The following ELF5 variants were observed in gnomAD, a reference collection of about 807,000 sequenced individuals.
ELF5 encodes the protein ETS-related transcription factor Elf-5.
In ELF5, 31 loss-of-function variants were observed where a neutral mutation model predicts 38.2. The ratio of observed to expected loss-of-function variants is 0.81; its 90% CI spans 0.61 to 1.10. The LOEUF (loss-of-function observed/expected upper bound fraction) is 1.10. ELF5 is among the 50% of genes least tolerant of loss of function. The probability of loss-of-function intolerance (pLI) is 0.00; values close to 1 mark genes in which losing one functional copy is unlikely to be tolerated. For synonymous variants in ELF5, 121 were observed against 112.5 expected (o/e 1.08, Z -0.48); for missense variants, 300 against 306.6 (o/e 0.98, Z 0.16).
chr11:34,492,699 G>C (rs1850207240), intron 3 of ELF5: 1 of 152,468 alleles, frequency 6.6e-6, no homozygotes, highest in African/African-American at 2.4e-5. Context: ...CCATTGGACA[G>C]ATGAGGCAGT....
At chr11:34,502,232 C>G (rs187192471) in intron 2 of ELF5, among the ~76,000 whole-genome samples, 179 of 152,360 alleles carry the variant, frequency 1.2e-3, no homozygotes, top group African/African-American at 4.0e-3. Context: ...GTGGCAGTGC[C>G]TGCCCATGAA....
chr11:34,507,684 T>A (rs998609276), intron 1 of ELF5, among the ~76,000 whole-genome samples: 4 of 152,216 alleles, frequency 2.6e-5, no homozygotes, highest in Non-Finnish European at 5.9e-5. Flanking sequence ...TCAGAAAAAA[T>A]AATAATCTGT....
chr11:34,493,205 A>G (rs1206846345), intron 3 of ELF5: 2 of 592,668 alleles, frequency 3.4e-6, no homozygotes, highest in African/African-American at 3.7e-5. Flanking sequence ...CTGTATTATT[A>G]TCAGCCTGGT....
chr11:34,501,275 T>C (rs1447849588), intron 2 of ELF5, among the ~76,000 whole-genome samples: 1 of 152,184 alleles, frequency 6.6e-6, no homozygotes, highest in Non-Finnish European at 1.5e-5. Context: ...CTCCCTTCTC[T>C]GGTGGTCCCT....
At chr11:34,510,558 C>T (rs369279323) in intron 1 of ELF5, among the ~76,000 whole-genome samples, 2 of 152,110 alleles carry the variant, frequency 1.3e-5, no homozygotes, top group African/African-American at 2.4e-5. Context: ...ATGTCCAGAG[C>T]CCCCTTTCTC....
rs189609661 is a variant in ELF5, at chr11:34,500,643, C to T, written c.121+4986G>A. On this transcript the variant is annotated intron_variant, in intron 2 of 6. Transcript: ENST00000257832. ...AAGGCTCAGGTGCATGTCCACTGGG[C>T]TAGAGGTGGCCAACAGTGAGTCCTC... Among the ~76,000 whole-genome samples, 304 of 152,356 alleles carry T rather than the reference C, an allele frequency of 2.0e-3. 1 individual carries two copies. The highest frequency in any genetic ancestry group is 0.01 in the Middle Eastern group (3 of 294).
rs1856863878 is a variant in ELF5, at chr11:34,479,008, C to T, written c.*1210G>A. On this transcript the variant is annotated 3_prime_UTR_variant, in exon 7 of 7. Transcript: ENST00000257832. ...AAACAGAAGTCCTAGGGGCAGTCCA[C>T]CTAGCTGTCAGTCACTGATAACTTA... 1 of 152,662 alleles carries T rather than the reference C, an allele frequency of 6.6e-6. No individual in the cohort carries two copies. The highest frequency in any genetic ancestry group is 2.1e-4 in the South Asian group (1 of 4,834). 9.5% of individuals were successfully genotyped at this position (152,662 alleles called of 1,614,324 possible). A position where few individuals can be genotyped will look rare whatever the true frequency, so the allele number is the denominator to read the frequency against.
At chr11:34,513,434 A>G (rs970218393) in intron 1 of ELF5, among the ~76,000 whole-genome samples, 4 of 152,228 alleles carry the variant, frequency 2.6e-5, no homozygotes, top group Non-Finnish European at 5.9e-5. Flanking sequence ...CAGCTAAGGG[A>G]TCCAGAGGGA....
intron 1 of ELF5, among the ~76,000 whole-genome samples, chr11:34,508,541 A>C (rs1254986712): frequency 1.3e-5 from 2 of 152,128 alleles, no homozygotes; most frequent in Non-Finnish European, 2.9e-5. Flanking sequence ...AATAAAAAAA[A>C]CTTTACATTT....
At chr11:34,489,624 T>C (rs371128873) in intron 4 of ELF5, among the ~76,000 whole-genome samples, 73 of 152,316 alleles carry the variant, frequency 4.8e-4, no homozygotes, top group African/African-American at 1.7e-3. Flanking sequence ...TTAAGCATTA[T>C]GAACCACAAG....
At chr11:34,495,349 T>C (rs1850290688) in intron 2 of ELF5, among the ~76,000 whole-genome samples, 1 of 152,190 alleles carries the variant, frequency 6.6e-6, no homozygotes, top group Non-Finnish European at 1.5e-5. Flanking sequence ...TGAGTAGAAC[T>C]CGCACCATTG....
intron 1 of ELF5, among the ~76,000 whole-genome samples, chr11:34,510,166 G>A (rs1235992925): frequency 1.3e-5 from 2 of 152,102 alleles, no homozygotes; most frequent in African/African-American, 4.8e-5. Flanking sequence ...TGCTGTATCT[G>A]ATTCCCTTTG....
intron 2 of ELF5, among the ~76,000 whole-genome samples, chr11:34,502,544 G>A (rs1234468333): frequency 6.6e-6 from 1 of 152,234 alleles, no homozygotes; most frequent in Non-Finnish European, 1.5e-5. Context: ...AGGAGAGCAG[G>A]GGCTACAAGG....
chr11:34,500,148 C>G (rs1850425614), intron 2 of ELF5, among the ~76,000 whole-genome samples: 1 of 152,162 alleles, frequency 6.6e-6, no homozygotes, highest in Non-Finnish European at 1.5e-5. Context: ...GTAAAGCAAG[C>G]TCAGGGCTTG....
intron 1 of ELF5, among the ~76,000 whole-genome samples, chr11:34,511,063 A>G (rs1406470397): frequency 6.6e-6 from 1 of 152,218 alleles, no homozygotes; most frequent in African/African-American, 2.4e-5. Context: ...AACAGCCCCC[A>G]AGGTCTGCCC....
At chr11:34,486,267 G>A (rs1849994539) in intron 4 of ELF5, among the ~76,000 whole-genome samples, 1 of 152,112 alleles carries the variant, frequency 6.6e-6, no homozygotes. Flanking sequence ...TGTAGGCTTG[G>A]TTCCTGGGCC....
intron 1 of ELF5, among the ~76,000 whole-genome samples, chr11:34,512,760 C>T (rs985833792): frequency 2.8e-4 from 43 of 152,172 alleles, no homozygotes; most frequent in African/African-American, 9.9e-4. Flanking sequence ...CCGAGAATAC[C>T]TTAGATTATG....
At chr11:34,507,850 A>G (rs1850647717) in intron 1 of ELF5, among the ~76,000 whole-genome samples, 6 of 152,200 alleles carry the variant, frequency 3.9e-5, no homozygotes, top group Admixed American at 3.9e-4. Flanking sequence ...AACACATGGA[A>G]TTTTAAGATT....
rs759492774 is a variant in ELF5 at position 34,480,286 on chromosome 11, G to A, written c.700C>T (p.Arg234Trp). 54 of 1,613,824 alleles carry A rather than the reference G, an allele frequency of 3.3e-5. No homozygotes were observed. In the African/African-American group the frequency reaches 3.7e-4, roughly 11 times the overall value. Residue 234 changes from arginine to tryptophan, a missense_variant, in exon 7 of 7, where the codon CGG (arginine) becomes TGG (tryptophan). Physicochemically the swap from Arg to Trp is moderately radical, Grantham distance 101. Coordinates refer to ENST00000257832, the MANE Select transcript of ELF5 (RefSeq NM_001422.4). ...RYYYKTGILE[R>W]VDRRLVYKFG... ...TTGTACACTAACCTTCGGTCAACCC[G>A]CTCCAAAATTCCTGTTTTATAGTAG...
Sources: allele counts gnomAD v4.1 joint callset (sites outside exome capture counted in the v4.1 genomes callset), GRCh38; gene constraint gnomAD v4.1.1; transcripts MANE v1.5; gene names NCBI Gene and HGNC (gene_info 2026-07-23, HGNC 2026-07-21).